The following INPP5B variants were observed in gnomAD, a reference collection of about 807,000 sequenced individuals.
INPP5B encodes type II inositol 1,4,5-trisphosphate 5-phosphatase.
A neutral mutation model predicts 118.5 loss-of-function variants in INPP5B; 90 were observed. That is an observed-to-expected ratio of 0.76 (90% CI 0.64 to 0.90). The LOEUF (loss-of-function observed/expected upper bound fraction) is 0.90. Ranked by LOEUF, INPP5B falls within the 40% of genes least tolerant of loss-of-function variation. The pLI is 0.00. For synonymous variants in INPP5B, 385 were observed against 418.9 expected, an observed-to-expected ratio of 0.92 and a Z score of 0.99; for missense variants, 984 against 1,125.6, an observed-to-expected ratio of 0.87 and a Z score of 1.80.
chr1:37,896,105 G>A (rs1439477786), intron 7 of INPP5B, among the ~76,000 whole-genome samples: 3 of 151,548 alleles, frequency 2.0e-5, no homozygotes, highest in African/African-American at 4.9e-5. Context: ...TCTGGGAAGT[G>A]AGGAGCGTCT....
At chr1:37,915,789 T>C in intron 7 of INPP5B, among the ~76,000 whole-genome samples, 1 of 152,368 alleles carries the variant, frequency 6.6e-6, no homozygotes, top group South Asian at 2.1e-4. Flanking sequence ...ATAACATGTT[T>C]TTTGTGTTTT....
At chr1:37,905,278 G>A (rs911448345) in intron 7 of INPP5B, among the ~76,000 whole-genome samples, 7 of 152,158 alleles carry the variant, frequency 4.6e-5, no homozygotes, top group African/African-American at 1.7e-4. Flanking sequence ...GTGCACACCT[G>A]TAGTCCCAGC....
rs141428917 is a variant in INPP5B at position 37,867,347 on chromosome 1, T to C, written c.2302-804A>G. On this transcript the variant is annotated intron_variant, in intron 20 of 23. Coordinates refer to ENST00000373024, the MANE Select transcript of INPP5B (RefSeq NM_005540.3). ...CTGTATTAATAATAACAATATTATA[T>C]GTATTGCTCAAAAGTTCCATTTGAA... Among the ~76,000 whole-genome samples, 36 of 152,358 alleles carry C rather than the reference T, an allele frequency of 2.4e-4. No individual in the cohort carries two copies. The East Asian group carries it at 6.5e-3, about 28-fold the overall frequency.
Position 37,893,706 on chromosome 1 carries a change from G to C in INPP5B, c.533-2252C>G, listed in dbSNP as rs16824493. Among the ~76,000 whole-genome samples, 785 of 152,210 alleles carry C rather than the reference G, an allele frequency of 5.2e-3. 7 individuals carry two copies. Among genetic ancestry groups the C allele is most frequent in the African/African-American group, 0.017 (686 of 41,538 alleles). ...TAAATCTTTTAAAGGCTTCATACTG[G>C]ATAAACCCAAATCCATACATACAAT... On this transcript the variant is annotated intron_variant, in intron 7 of 23. Coordinates refer to ENST00000373024, the MANE Select transcript of INPP5B (RefSeq NM_005540.3).
chr1:37,889,851 A>G, intron 8 of INPP5B, 127 bp from the exon 9 acceptor site: 2 of 587,306 alleles, frequency 3.4e-6, no homozygotes, highest in Non-Finnish European at 3.0e-6. Context: ...CCAAAGTAAA[A>G]TTTATCTACT....
intron 19 of INPP5B, among the ~76,000 whole-genome samples, chr1:37,869,428 A>G (rs1433639887): frequency 1.3e-5 from 2 of 151,844 alleles, no homozygotes; most frequent in African/African-American, 4.8e-5. Flanking sequence ...TACAGGCGTG[A>G]GCCACCATAC....
In INPP5B at chr1:37,904,490, G is replaced by C. The variant is rs531346732; in HGVS notation, c.533-13036C>G. Reference sequence around the variant, plus strand: ...GTGTGAACATACTGGCTAAAGTTAAGAGGGTATTATTCAGTTTTTCTGTAA... The same window carrying C: ...GTGTGAACATACTGGCTAAAGTTAACAGGGTATTATTCAGTTTTTCTGTAA... On this transcript the variant is annotated intron_variant, in intron 7 of 23. Coordinates refer to ENST00000373024, the MANE Select transcript of INPP5B (RefSeq NM_005540.3). Among the ~76,000 whole-genome samples, 209 of 152,280 alleles carry C rather than the reference G, an allele frequency of 1.4e-3. 1 individual carries two copies. The highest frequency in any genetic ancestry group is 2.2e-3 in the Non-Finnish European group (147 of 68,022).
chr1:37,887,363 G>T lies in INPP5B; in HGVS notation c.1002C>A (p.Ala334=). The T allele has an allele frequency of 6.3e-7, 1 of 1,598,382 alleles. No individual in the cohort carries two copies. Among genetic ancestry groups the T allele is most frequent in the Non-Finnish European group, 8.6e-7 (1 of 1,167,500 alleles). Residue 334 remains alanine, a synonymous_variant, in exon 11 of 24, where the codon GCC becomes GCA. Coordinates refer to ENST00000373024, the MANE Select transcript of INPP5B (RefSeq NM_005540.3). ...ACTCCTCTCTTACCTTTGCATATTT[G>T]GCATCTGGATGAAGACCCTCTGACA... ...KAVSEGLHPD[A]KYAKVKLIRL...
rs765194271 is a variant in INPP5B, at chr1:37,866,522, C to G, written c.2323G>C (p.Gly775Arg). The G allele has an allele frequency of 1.9e-6, 3 of 1,609,006 alleles. No individual in the cohort carries two copies. The Admixed American group carries it at 5.0e-5, about 27-fold the overall frequency. ...VQQEDLFQQPGLRSEFEHIRD... is the reference protein window; with the variant it reads ...VQQEDLFQQPRLRSEFEHIRD... ...ATATGTTCAAATTCTGACCTCAGGC[C>G]TGGTTGCTGAAACAGATCTTCCTGC... The change falls in exon 21 of 24, where the codon GGC (glycine) becomes CGC (arginine). Residue 775 changes from glycine to arginine, a missense_variant. Physicochemically the swap from Gly to Arg is moderately radical, Grantham distance 125 (BLOSUM62 -2). Transcript: ENST00000373024.
At chr1:37,941,048 A>G (rs1645889773) in intron 5 of INPP5B, among the ~76,000 whole-genome samples, 1 of 152,124 alleles carries the variant, frequency 6.6e-6, no homozygotes, top group Non-Finnish European at 1.5e-5. Context: ...CAACTGCAGT[A>G]CTAGATGGAA....
intron 8 of INPP5B, 57 bp downstream of exon 8, chr1:37,891,301 G>C: frequency 7.9e-7 from 1 of 1,260,196 alleles, no homozygotes; most frequent in Non-Finnish European, 1.2e-6. Flanking sequence ...AATGGTCTCA[G>C]TACTGTGAGG....
intron 7 of INPP5B, among the ~76,000 whole-genome samples, chr1:37,905,323 C>T (rs1486249946): frequency 6.6e-6 from 1 of 152,192 alleles, no homozygotes; most frequent in Non-Finnish European, 1.5e-5. Context: ...ATTGCTTGAA[C>T]CCTGGAGCCA....
chr1:37,923,442 C>A (rs925223835), intron 7 of INPP5B, among the ~76,000 whole-genome samples: 7 of 152,108 alleles, frequency 4.6e-5, no homozygotes, highest in African/African-American at 1.4e-4. Context: ...GAGCTTTATT[C>A]TATAGGCAAC....
chr1:37,882,619 A>T (rs1643272756), intron 14 of INPP5B, among the ~76,000 whole-genome samples, 188 bp downstream of exon 14: 1 of 152,138 alleles, frequency 6.6e-6, no homozygotes, highest in African/African-American at 2.4e-5. Flanking sequence ...TTCAGGAGAG[A>T]GCCAATGGGG....
chr1:37,887,503 G>C (rs1489031331), intron 10 of INPP5B, 38 bp from the exon 11 acceptor site: 1 of 1,228,440 alleles, frequency 8.1e-7, no homozygotes, highest in Non-Finnish European at 1.2e-6. Flanking sequence ...GTAAAGAAAA[G>C]TAATGTGCAA....
chr1:37,875,636 G>A lies in INPP5B; in HGVS notation c.1758C>T (p.Asn586=), dbSNP rs533782005. ...VRSLDKMENA[N]IPSVSLSKRE... is the part of the protein sequence containing the mutation. ...GCTTGGACAGGGACACAGAAGGAAT[G>A]TTGGCATTTTCCATCTTATCCAGGG... is the stretch of plus-strand genomic sequence containing the variant. The change falls in exon 17 of 24, where the codon AAC becomes AAT. Residue 586 remains asparagine (N), a synonymous_variant. Transcript: ENST00000373024. 6.2e-7 allele frequency: 1 copy of A among 1,613,954 alleles called. No individual in the cohort carries two copies. Among genetic ancestry groups the A allele is most frequent in the Admixed American group, 1.7e-5 (1 of 60,022 alleles).
chr1:37,941,711 G>A (rs1237717904), intron 5 of INPP5B, among the ~76,000 whole-genome samples: 2 of 149,560 alleles, frequency 1.3e-5, no homozygotes, highest in African/African-American at 2.5e-5. Flanking sequence ...GGCCGAGGCG[G>A]GCGGATCACG....
At chr1:37,878,721 C>T (rs950242108) in intron 15 of INPP5B, among the ~76,000 whole-genome samples, 1 of 151,866 alleles carries the variant, frequency 6.6e-6, no homozygotes, top group Non-Finnish European at 1.5e-5. Context: ...GTGATCTCAG[C>T]TCACTGCAAC....
chr1:37,866,406 TCACA>T lies in INPP5B; in HGVS notation c.2386+49_2386+52del, dbSNP rs57582108. The stretch of plus-strand genomic sequence containing the variant: ...CATATTCTCTCTCTCTCTCTCTCTC[TCACA>T]CACACACACACACACACACACACAC... On this transcript the variant is annotated intron_variant, in intron 21 of 23. Transcript: ENST00000373024. 645 of 403,872 alleles carry T rather than the reference TCACA, an allele frequency of 1.6e-3. 15 individuals carry two copies. Among genetic ancestry groups the T allele is most frequent in the Admixed American group, 7.1e-3 (159 of 22,444 alleles). 25.0% of individuals were successfully genotyped at this position (403,872 alleles called of 1,614,324 possible). A position where few individuals can be genotyped will look rare whatever the true frequency, so the allele number is the denominator to read the frequency against.
Sources: gnomAD v4.1 joint callset for allele counts (sites outside exome capture counted in the v4.1 genomes callset) on GRCh38, gnomAD v4.1.1 for gene constraint, MANE v1.5 for transcripts, NCBI Gene and HGNC (gene_info 2026-07-23, HGNC 2026-07-21) for gene names.